Variants in GRB10 observed in about 807,000 individuals in gnomAD.
The protein encoded by GRB10 is growth factor receptor bound protein 10.
A neutral mutation model predicts 80.9 loss-of-function variants in GRB10; 20 were observed. That is an observed-to-expected ratio of 0.25 (90% CI 0.17 to 0.36). GRB10 has a LOEUF of 0.36. GRB10 is among the 10% of genes least tolerant of loss of function. The pLI is 1.00. For missense variants in GRB10, 548 were observed against 747.7 expected, an observed-to-expected ratio of 0.73 and a Z score of 3.12; for synonymous variants, 291 against 291.5, an observed-to-expected ratio of 1.00 and a Z score of 0.02.
chr7:50,692,585 C>T (rs139779081), intron 5 of GRB10, among the ~76,000 whole-genome samples: 24 of 152,220 alleles, frequency 1.6e-4, no homozygotes, highest in African/African-American at 5.5e-4. Flanking sequence ...GAGGCAGGGG[C>T]TCAGGACCTT....
At position 50,591,089 on chromosome 7, in the gene GRB10, A is replaced by C. The variant is rs2045796759; in HGVS notation, c.*1863T>G. The C allele has an allele frequency of 6.6e-6, 1 of 152,254 alleles. No homozygotes were observed. The allele number at this position is 152,254 out of a possible 1,614,324, so 9.4% of individuals were successfully genotyped here. A position where few individuals can be genotyped will look rare whatever the true frequency, so the allele number is the denominator to read the frequency against. On this transcript the variant is annotated 3_prime_UTR_variant, in exon 19 of 19. Coordinates refer to ENST00000401949, the MANE Select transcript of GRB10 (RefSeq NM_001350814.2). ...ACTGCAATGTCCGTCCCTACAGTGA[A>C]GCCTGCCACCAGGTGTGAACGTGAG...
chr7:50,723,655 C>T (rs1203989521), intron 4 of GRB10, among the ~76,000 whole-genome samples: 8 of 152,208 alleles, frequency 5.3e-5, no homozygotes, highest in Non-Finnish European at 7.4e-5. Flanking sequence ...TTTCCTAAGG[C>T]CCCACTAGTT....
At chr7:50,733,883 CA>C (rs2070336661) in intron 3 of GRB10, among the ~76,000 whole-genome samples, 1 of 152,268 alleles carries the variant, frequency 6.6e-6, no homozygotes, top group South Asian at 2.1e-4. Flanking sequence ...AGGCATTACC[CA>C]ATCCACAGAA....
Position 50,604,089 on chromosome 7 carries a change from T to TG in GRB10, c.1457-5dup, listed in dbSNP as rs770607593. ...CAGTGCTGTGTCCTGTGAATCACTG[T>TG]GGGGGGAAGACAGGAGGAGGGTAGG... On this transcript the variant is annotated splice_polypyrimidine_tract_variant and splice_region_variant and intron_variant, in intron 16 of 18. Transcript: ENST00000401949. The TG allele has an allele frequency of 1.9e-6, 3 of 1,611,492 alleles. No homozygotes were observed. The highest frequency in any genetic ancestry group is 1.3e-5 in the African/African-American group (1 of 74,966).
rs1392918089 is a variant in GRB10 at position 50,591,157 on chromosome 7, AAAGG to A, written c.*1791_*1794del. The stretch of plus-strand genomic sequence containing the variant: ...TAGTTTGAAAGACTGACTGGCTGCG[AAAGG>A]AAGAAAATGCAATTGAGCACTGATG... On this transcript the variant is annotated 3_prime_UTR_variant, in exon 19 of 19. Transcript: ENST00000401949. 1 of 152,260 alleles carries A rather than the reference AAAGG, an allele frequency of 6.6e-6. No individual in the cohort carries two copies. Among genetic ancestry groups the A allele is most frequent in the East Asian group, 1.9e-4 (1 of 5,196 alleles). 9.4% of individuals were successfully genotyped at this position (152,260 alleles called of 1,614,324 possible).
chr7:50,705,898 G>A (rs1191350119), intron 4 of GRB10, among the ~76,000 whole-genome samples: 2 of 152,232 alleles, frequency 1.3e-5, no homozygotes, highest in Admixed American at 6.5e-5. Flanking sequence ...AACAGGCGCT[G>A]AGGAGGGAGC....
At chr7:50,710,952 T>C (rs753950070) in intron 4 of GRB10, 5 of 1,573,588 alleles carry the variant, frequency 3.2e-6, no homozygotes, top group Non-Finnish European at 4.4e-6. Flanking sequence ...ATCACGTGGC[T>C]GTGTCCTCAG....
chr7:50,722,336 G>A (rs1196257250), intron 4 of GRB10, among the ~76,000 whole-genome samples: 1 of 152,194 alleles, frequency 6.6e-6, no homozygotes, highest in Non-Finnish European at 1.5e-5. Flanking sequence ...AAGGTCCCCT[G>A]GAAGGCCCCA....
At chr7:50,741,490 T>C (rs943849769) in intron 3 of GRB10, among the ~76,000 whole-genome samples, 1 of 149,264 alleles carries the variant, frequency 6.7e-6, no homozygotes, top group Non-Finnish European at 1.5e-5. Context: ...CGTAGGCCAA[T>C]GTGCCAAGGG....
intron 3 of GRB10, among the ~76,000 whole-genome samples, chr7:50,740,711 A>G (rs2071562838): frequency 6.6e-6 from 1 of 152,146 alleles, no homozygotes; most frequent in Admixed American, 6.5e-5. Flanking sequence ...AAGGGAAAAT[A>G]GATGAAGACA....
upstream of GRB10, among the ~76,000 whole-genome samples, chr7:50,785,154 G>C (rs961771529): frequency 3.9e-5 from 6 of 152,206 alleles, no homozygotes; most frequent in African/African-American, 1.2e-4. Context: ...CTGCAGAGCT[G>C]AGAAGAGACC....
intron 6 of GRB10, among the ~76,000 whole-genome samples, chr7:50,672,281 G>T (rs768281626): frequency 2.0e-5 from 3 of 152,176 alleles, no homozygotes; most frequent in Non-Finnish European, 2.9e-5. Flanking sequence ...CCCACCTGAT[G>T]TGGTGAGCCC....
chr7:50,685,315 A>C (rs571354853), intron 5 of GRB10, among the ~76,000 whole-genome samples: 105 of 152,384 alleles, frequency 6.9e-4, no homozygotes, highest in African/African-American at 2.0e-3. Flanking sequence ...GCTAAATATA[A>C]CATAGCAAGA....
chr7:50,648,689 T>C (rs372624083), intron 7 of GRB10, among the ~76,000 whole-genome samples: 5 of 152,006 alleles, frequency 3.3e-5, no homozygotes, highest in Non-Finnish European at 7.4e-5. Context: ...GCTTCCAGAG[T>C]TTCCCTTCTT....
intron 4 of GRB10, among the ~76,000 whole-genome samples, chr7:50,713,731 A>G (rs1285547338): frequency 5.4e-5 from 6 of 112,104 alleles, no homozygotes; most frequent in African/African-American, 2.2e-4. Context: ...CTCCTCTACT[A>G]TCACATCACC....
chr7:50,749,134 G>GTTTTTTTTTTTTTTTTTTTTTTTTT (rs11405172), intron 3 of GRB10, among the ~76,000 whole-genome samples: 3 of 137,904 alleles, frequency 2.2e-5, no homozygotes, highest in African/African-American at 2.6e-5. Flanking sequence ...TTTTTTGTTT[G>GTTTTTTTTTTTTTTTTTTTTTTTTT]TTTTTTTTTT....
At chr7:50,633,600 A>T (rs2054400092) in intron 7 of GRB10, among the ~76,000 whole-genome samples, 1 of 152,194 alleles carries the variant, frequency 6.6e-6, no homozygotes, top group South Asian at 2.1e-4. Context: ...CAAGATATGA[A>T]GTGTAAGGAA....
At chr7:50,778,707 G>A (rs2077962076) in intron 2 of GRB10, among the ~76,000 whole-genome samples, 1 of 152,224 alleles carries the variant, frequency 6.6e-6, no homozygotes, top group South Asian at 2.1e-4. Flanking sequence ...GCCCCACTGG[G>A]ACATCTTTAT....
intron 3 of GRB10, among the ~76,000 whole-genome samples, chr7:50,750,173 C>T (rs2073855453): frequency 6.6e-6 from 1 of 152,192 alleles, no homozygotes; most frequent in Admixed American, 6.5e-5. Context: ...TGGGAAAGCA[C>T]CCTAAAACCA....
Sources: allele counts gnomAD v4.1 joint callset (sites outside exome capture counted in the v4.1 genomes callset), GRCh38; gene constraint gnomAD v4.1.1; transcripts MANE v1.5; gene names NCBI Gene and HGNC (gene_info 2026-07-23, HGNC 2026-07-21).